CHST15: variants seen among roughly 807,000 people sequenced by gnomAD.
The protein encoded by CHST15 is B cell RAG associated protein (GALNAC4S-6ST).
In CHST15, 30 loss-of-function variants were observed where a neutral mutation model predicts 53.6. The ratio of observed to expected loss-of-function variants is 0.56; its 90% CI spans 0.42 to 0.76. The LOEUF (loss-of-function observed/expected upper bound fraction) is 0.76, where lower values mean the gene tolerates loss of function less well. Among genes scored for constraint, CHST15 ranks in the 30% least tolerant of loss-of-function variants. The probability of loss-of-function intolerance (pLI) is 0.00; values close to 1 mark genes in which losing one functional copy is unlikely to be tolerated. For synonymous variants in CHST15, 296 were observed against 289.8 expected (o/e 1.02, Z -0.22); for missense variants, 627 against 740.5 (o/e 0.85, Z 1.78).
At position 124,028,328 on chromosome 10, in the gene CHST15, G is replaced by A. The variant is rs1371098387; in HGVS notation, c.1191-6916C>T. 2.0e-5 allele frequency among the ~76,000 whole-genome samples: 3 copies of A among 152,176 alleles called. No individual in the cohort carries two copies. The South Asian group carries it at 6.2e-4, about 32-fold the overall frequency. ...GGTTCCTGTTCCTAAGTGATGATGT[G>A]GTTGTTCATCGGCCTGGCCTCTATG... On this transcript the variant is annotated intron_variant, in intron 5 of 7. Transcript: ENST00000435907.
chr10:124,038,801 C>G, intron 4 of CHST15, 130 bp from the exon 5 acceptor site: 1 of 906,182 alleles, frequency 1.1e-6, no homozygotes, highest in Non-Finnish European at 1.7e-6. Flanking sequence ...AAGCTGTCAG[C>G]CTTTGCGGGC....
At chr10:124,092,017 C>T (rs1244106410) in intron 1 of CHST15, among the ~76,000 whole-genome samples, 1 of 151,670 alleles carries the variant, frequency 6.6e-6, no homozygotes, top group Non-Finnish European at 1.5e-5. Flanking sequence ...CGCACACACT[C>T]GCGCGCACGC....
chr10:124,071,362 GAAACCCT>G (rs1427737627), intron 1 of CHST15, among the ~76,000 whole-genome samples: 3 of 152,190 alleles, frequency 2.0e-5, no homozygotes, highest in Non-Finnish European at 4.4e-5. Flanking sequence ...CCATCAGCCT[GAAACCCT>G]GCTCCCACGT....
chr10:124,039,655 C>T (rs1473685608), intron 4 of CHST15, among the ~76,000 whole-genome samples: 6 of 152,208 alleles, frequency 3.9e-5, no homozygotes, highest in African/African-American at 7.2e-5. Flanking sequence ...GGCAAACACA[C>T]GTCCCAGCAC....
intron 1 of CHST15, among the ~76,000 whole-genome samples, chr10:124,050,409 A>G (rs775061933): frequency 6.6e-6 from 1 of 152,214 alleles, no homozygotes; most frequent in Non-Finnish European, 1.5e-5. Flanking sequence ...GGGAGAGAGC[A>G]ATACAACCAT....
At chr10:124,042,205 T>C in intron 4 of CHST15, 96 bp downstream of exon 4, 2 of 1,292,878 alleles carry the variant, frequency 1.5e-6, no homozygotes, top group Non-Finnish European at 2.1e-6. Flanking sequence ...ACCATGTAAA[T>C]GTTCTGGAGG....
chr10:124,042,625 G>A (rs747569889), intron 3 of CHST15, among the ~76,000 whole-genome samples, 178 bp from the exon 4 acceptor site: 1 of 152,144 alleles, frequency 6.6e-6, no homozygotes, highest in Non-Finnish European at 1.5e-5. Context: ...GGGGGTCTAT[G>A]CGGCCTGGCT....
chr10:124,009,245 T>G lies in CHST15; in HGVS notation c.*904A>C. The G allele has an allele frequency of 3.7e-6, 4 of 1,095,086 alleles. No individual in the cohort carries two copies. Among genetic ancestry groups the G allele is most frequent in the Non-Finnish European group, 4.5e-6 (4 of 888,570 alleles). 67.8% of individuals were successfully genotyped at this position (1,095,086 alleles called of 1,614,324 possible). On this transcript the variant is annotated 3_prime_UTR_variant, in exon 8 of 8. Coordinates refer to ENST00000435907, the MANE Select transcript of CHST15 (RefSeq NM_001270764.2). ...CCAAGAAGTGTTCAATTCCTTGAGG[T>G]TGCTCATTCTGGCATTAACAGCAAA...
At chr10:124,022,811 CTT>C (rs924775599) in intron 5 of CHST15, among the ~76,000 whole-genome samples, 8 of 100,430 alleles carry the variant, frequency 8.0e-5, no homozygotes, top group Middle Eastern at 8.2e-3. Flanking sequence ...CTTGGCATTT[CTT>C]TTTTTTTTTT....
chr10:124,068,470 C>A lies in CHST15; in HGVS notation c.-512-21746G>T, dbSNP rs558235809. Among the ~76,000 whole-genome samples the A allele has an allele frequency of 2.4e-3, 367 of 152,324 alleles. 3 individuals carry two copies. The highest frequency in any genetic ancestry group is 3.1e-3 in the Non-Finnish European group (211 of 68,028). On this transcript the variant is annotated intron_variant, in intron 1 of 7. Coordinates refer to ENST00000435907, the MANE Select transcript of CHST15 (RefSeq NM_001270764.2). ...GGTAACCATCACTGTCACTGTTATT[C>A]CTGTTTCCACCTGCTCTTTGGCTTT...
At position 124,009,360 on chromosome 10, in the gene CHST15, T is replaced by C; in HGVS notation, c.*789A>G. 2 of 1,019,754 alleles carry C rather than the reference T, an allele frequency of 2.0e-6. No individual in the cohort carries two copies. The highest frequency in any genetic ancestry group is 1.7e-5 in the African/African-American group (1 of 58,326). The allele number at this position is 1,019,754 out of a possible 1,614,324, so 63.2% of individuals were successfully genotyped here. ...GCCAGGACTGGTTAAATGCAGAAAG[T>C]GGTTTTGTTTTAAACGCATTCATTT... On this transcript the variant is annotated 3_prime_UTR_variant, in exon 8 of 8. Transcript: ENST00000435907.
chr10:124,047,927 C>T (rs577765230), intron 1 of CHST15, among the ~76,000 whole-genome samples: 29 of 152,210 alleles, frequency 1.9e-4, no homozygotes, highest in Admixed American at 3.3e-4. Context: ...TCATCTCCAA[C>T]TCTACCCACG....
At chr10:124,040,369 G>A in intron 4 of CHST15, among the ~76,000 whole-genome samples, 1 of 152,186 alleles carries the variant, frequency 6.6e-6, no homozygotes, top group East Asian at 1.9e-4. Flanking sequence ...TAAGGGGGAC[G>A]ATGGCAATTC....
At chr10:124,089,191 C>G (rs1265113112) in intron 1 of CHST15, among the ~76,000 whole-genome samples, 2 of 152,172 alleles carry the variant, frequency 1.3e-5, no homozygotes, top group Non-Finnish European at 2.9e-5. Flanking sequence ...AGGGAGGCTG[C>G]GTGATTCTCA....
At position 124,044,023 on chromosome 10, in the gene CHST15, A is replaced by AG. The variant is rs1250297963; in HGVS notation, c.886+556dup. 2.0e-5 allele frequency among the ~76,000 whole-genome samples: 3 copies of AG among 150,888 alleles called. No homozygotes were observed. The East Asian group carries it at 5.8e-4, about 29-fold the overall frequency. ...CAGCACAGAGCAGGGAGCAGCACAG[A>AG]GCAGGGAGCAGCACAGAGCCAAGGA... On this transcript the variant is annotated intron_variant, in intron 3 of 7. Transcript: ENST00000435907.
intron 5 of CHST15, among the ~76,000 whole-genome samples, chr10:124,038,108 A>ATTT (rs202094516): frequency 1.5e-5 from 2 of 132,318 alleles, no homozygotes; most frequent in African/African-American, 2.8e-5. Flanking sequence ...TTTTTATTTT[A>ATTT]TTTTATTTTT....
chr10:124,040,867 A>C (rs898851490), intron 4 of CHST15, among the ~76,000 whole-genome samples: 10 of 152,254 alleles, frequency 6.6e-5, no homozygotes, highest in African/African-American at 2.4e-4. Flanking sequence ...AAAATCTTGG[A>C]GCAAGCAAAA....
intron 5 of CHST15, among the ~76,000 whole-genome samples, chr10:124,026,480 A>G (rs1947015754): frequency 6.6e-6 from 1 of 152,262 alleles, no homozygotes; most frequent in African/African-American, 2.4e-5. Context: ...AAGGCCAGAC[A>G]GGCACACTGT....
At chr10:124,041,880 T>C (rs1182052900) in intron 4 of CHST15, among the ~76,000 whole-genome samples, 1 of 152,220 alleles carries the variant, frequency 6.6e-6, no homozygotes, top group Non-Finnish European at 1.5e-5. Flanking sequence ...CCGTCTTATA[T>C]GGTCCCAGTG....
Sources: allele counts gnomAD v4.1 joint callset (sites outside exome capture counted in the v4.1 genomes callset), GRCh38; gene constraint gnomAD v4.1.1; transcripts MANE v1.5; gene names NCBI Gene and HGNC (gene_info 2026-07-23, HGNC 2026-07-21).